Variants in PCDHGC4 observed in about 807,000 individuals in gnomAD.
PCDHGC4 encodes protocadherin gamma subfamily C, 4.
In PCDHGC4, 15 loss-of-function variants were observed where a neutral mutation model predicts 59.7. The ratio of observed to expected loss-of-function variants is 0.25; its 90% confidence interval spans 0.17 to 0.39. The LOEUF is 0.39. Ranked by LOEUF, PCDHGC4 falls within the 10% of genes least tolerant of loss-of-function variation. The pLI is 1.00. For missense variants in PCDHGC4, 1,016 were observed against 1,189.5 expected (o/e 0.85, Z 2.15); for synonymous variants, 434 against 481.4 (o/e 0.90, Z 1.29).
At chr5:141,504,352 G>A (rs2099837588) in intron 2 of PCDHGC4, among the ~76,000 whole-genome samples, 3 of 152,016 alleles carry the variant, frequency 2.0e-5, no homozygotes, top group Admixed American at 1.3e-4. Flanking sequence ...TTTGTGCTAG[G>A]TGCTTCAGTA....
At chr5:141,508,841 C>G (rs969875150) in intron 3 of PCDHGC4, among the ~76,000 whole-genome samples, 1 of 152,140 alleles carries the variant, frequency 6.6e-6, no homozygotes, top group Admixed American at 6.5e-5. Flanking sequence ...TCCCCTACCC[C>G]TTCCATTCCC....
In PCDHGC4 at chr5:141,503,604, A is replaced by G. The variant is rs189211439; in HGVS notation, c.2502-1789A>G. 5.2e-3 allele frequency among the ~76,000 whole-genome samples: 793 copies of G among 151,946 alleles called. 3 individuals carry two copies. The highest frequency in any genetic ancestry group is 8.3e-3 in the Non-Finnish European group (566 of 67,924). On this transcript the variant is annotated intron_variant, in intron 2 of 3. Coordinates refer to ENST00000306593, the MANE Select transcript of PCDHGC4 (RefSeq NM_018928.3). ...ACAGAGCGAGACTCCAGCTCAAAAA[A>G]AAAAAAAAAAGAAAAAAGAAAAGAA...
At position 141,510,984 on chromosome 5, in the gene PCDHGC4, C is replaced by A. The variant is rs375865663; in HGVS notation, c.2628C>A (p.Ala876=). 6.2e-7 allele frequency: 1 copy of A among 1,614,162 alleles called. No individual in the cohort carries two copies. The highest frequency in any genetic ancestry group is 8.5e-7 in the Non-Finnish European group (1 of 1,180,012). The part of the protein sequence containing the change: ...ADGSSTLGGG[A]GTMGLSARYG... The stretch of plus-strand genomic sequence containing the variant: ...GGAGCTCCACCCTGGGAGGGGGTGC[C>A]GGCACCATGGGATTGAGCGCCCGCT... Residue 876 remains alanine, a synonymous_variant, in exon 4 of 4, where the codon GCC becomes GCA. Coordinates refer to ENST00000306593, the MANE Select transcript of PCDHGC4 (RefSeq NM_018928.3).
At position 141,489,397 on chromosome 5, in the gene PCDHGC4, G is replaced by A. The variant is rs1307106048; in HGVS notation, c.2442+1782G>A. 2.5e-6 allele frequency: 4 copies of A among 1,614,058 alleles called. No homozygotes were observed. The highest frequency in any genetic ancestry group is 2.7e-5 in the African/African-American group (2 of 74,914). ...GGTGGGGAATGTTGCTCAGGATCTG[G>A]GCTTAAAGATGACAGATCTGTTGAG... On this transcript the variant is annotated intron_variant, in intron 1 of 3. Transcript: ENST00000306593. This position sits in a 1 kb window ranked among gnomAD's most constrained non-coding sequence, Gnocchi z 4.5.
intron 2 of PCDHGC4, among the ~76,000 whole-genome samples, chr5:141,498,421 A>C (rs1328848787): frequency 6.6e-6 from 1 of 152,016 alleles, no homozygotes; most frequent in Non-Finnish European, 1.5e-5. Flanking sequence ...CTGGCACTGG[A>C]GTGAGGGGAT....
At chr5:141,497,284 A>G (rs1486878285) in intron 2 of PCDHGC4, among the ~76,000 whole-genome samples, 1 of 152,104 alleles carries the variant, frequency 6.6e-6, no homozygotes, top group South Asian at 2.1e-4. Context: ...TGTTCCCTCT[A>G]CCTACCACCA....
At chr5:141,507,798 GCCCT>G (rs2099863561) in intron 3 of PCDHGC4, among the ~76,000 whole-genome samples, 1 of 152,188 alleles carries the variant, frequency 6.6e-6, no homozygotes, top group Admixed American at 6.5e-5. Context: ...CTAAGCCTGC[GCCCT>G]GGGGAACGGA....
intron 3 of PCDHGC4, among the ~76,000 whole-genome samples, chr5:141,509,353 C>A (rs2099876446): frequency 6.6e-6 from 1 of 152,170 alleles, no homozygotes; most frequent in Non-Finnish European, 1.5e-5. Context: ...CTGGCCTGGG[C>A]ATCCCTGAGG....
rs143638501 is a variant in PCDHGC4, at chr5:141,486,817, T to C, written c.1644T>C (p.Thr548=). Residue 548 remains threonine, a synonymous_variant, in exon 1 of 4, where the codon ACT becomes ACC. Coordinates refer to ENST00000306593, the MANE Select transcript of PCDHGC4 (RefSeq NM_018928.3). This position sits in a 1 kb window ranked among gnomAD's most constrained non-coding sequence, Gnocchi z 5.0. ...RDRGNPPLSS[T]VTVRLFVLDL... is the part of the protein sequence containing the mutation. ...GGGGCAACCCACCCCTTAGCAGCACTGTAACAGTTCGTCTATTTGTGCTGG... is the reference window on the plus strand; with the variant it reads ...GGGGCAACCCACCCCTTAGCAGCACCGTAACAGTTCGTCTATTTGTGCTGG... 153 of 1,614,220 alleles carry C rather than the reference T, an allele frequency of 9.5e-5. 1 individual carries two copies. In the African/African-American group the frequency reaches 1.4e-3, roughly 15 times the overall value.
In PCDHGC4 at chr5:141,487,765, GC is replaced by G. The variant is rs2099665397; in HGVS notation, c.2442+151del. The G allele has an allele frequency of 6.5e-7, 1 of 1,541,774 alleles. No individual in the cohort carries two copies. Among genetic ancestry groups the G allele is most frequent in the South Asian group, 1.2e-5 (1 of 83,146 alleles). On this transcript the variant is annotated intron_variant, in intron 1 of 3. Transcript: ENST00000306593. This position sits in a 1 kb window ranked among gnomAD's most constrained non-coding sequence, Gnocchi z 5.0. ...GAGGTAACTATGTGGTAGACGCTGT[GC>G]TTTGTAACTGTTTCGTGAATTAACC...
chr5:141,510,568 G>C (rs2099881703), intron 3 of PCDHGC4, among the ~76,000 whole-genome samples: 1 of 152,100 alleles, frequency 6.6e-6, no homozygotes, highest in Non-Finnish European at 1.5e-5. Context: ...CATCTACCAG[G>C]CACTATTTTA....
Position 141,486,638 on chromosome 5 carries a change from C to T in PCDHGC4, c.1465C>T (p.Leu489Phe), listed in dbSNP as rs753730551. 5.6e-6 allele frequency: 9 copies of T among 1,613,700 alleles called. No homozygotes were observed. In the East Asian group the frequency reaches 8.9e-5, roughly 16 times the overall value. Residue 489 changes from leucine to phenylalanine, a missense_variant, in exon 1 of 4, where the codon CTT becomes TTT. By Grantham distance (22) the Leu-to-Phe change is conservative (BLOSUM62 0). Coordinates refer to ENST00000306593, the MANE Select transcript of PCDHGC4 (RefSeq NM_018928.3). This position sits in a 1 kb window ranked among gnomAD's most constrained non-coding sequence, Gnocchi z 5.0. ...ASDPDSGLNA[L>F]ISYSLLEPRN... The stretch of plus-strand genomic sequence containing the variant: ...TGACCCAGACTCTGGCTTGAATGCG[C>T]TTATCTCCTACTCACTCCTGGAGCC...
rs186292704 is a variant in PCDHGC4 at position 141,490,783 on chromosome 5, C to T, written c.2442+3168C>T. ...TGTGTATGTCAACCCAGAGGATGGA[C>T]GGATCTTTGCCCAGCGTACCTTTGA... On this transcript the variant is annotated intron_variant, in intron 1 of 3. Transcript: ENST00000306593. The surrounding 1 kb of genome is among the most constrained non-coding windows in gnomAD (Gnocchi z 5.4). The T allele has an allele frequency of 8.1e-6, 13 of 1,614,024 alleles. 1 individual carries two copies. Among genetic ancestry groups the T allele is most frequent in the Middle Eastern group, 3.3e-4 (2 of 6,062 alleles).
chr5:141,485,566 C>G lies in PCDHGC4; in HGVS notation c.393C>G (p.Pro131=), dbSNP rs768144422. Residue 131 remains proline, a synonymous_variant, in exon 1 of 4, where the codon CCC becomes CCG. Transcript: ENST00000306593. This position sits in a 1 kb window ranked among gnomAD's most constrained non-coding sequence, Gnocchi z 5.7. ...TCGTAGATGTGAATGATCACGCCCC[C>G]CGTTTTCCGCGGCAGCAGCTGGACT... ...VEIVDVNDHA[P]RFPRQQLDLE... is the part of the protein sequence containing the mutation. 2.5e-6 allele frequency: 4 copies of G among 1,612,808 alleles called. No homozygotes were observed. Among genetic ancestry groups the G allele is most frequent in the South Asian group, 2.2e-5 (2 of 91,028 alleles).
At chr5:141,497,820 G>A (rs1595489288) in intron 2 of PCDHGC4, among the ~76,000 whole-genome samples, 1 of 152,226 alleles carries the variant, frequency 6.6e-6, no homozygotes, top group Admixed American at 6.5e-5. Flanking sequence ...AATTACAGGT[G>A]TGATCGCCCC....
At chr5:141,509,136 C>T (rs1217992935) in intron 3 of PCDHGC4, among the ~76,000 whole-genome samples, 1 of 152,142 alleles carries the variant, frequency 6.6e-6, no homozygotes, top group Non-Finnish European at 1.5e-5. Context: ...AAAACCGAGG[C>T]GCATCCCGGC....
chr5:141,492,934 G>A (rs1382515835), intron 1 of PCDHGC4, among the ~76,000 whole-genome samples: 7 of 152,236 alleles, frequency 4.6e-5, no homozygotes, highest in Admixed American at 4.6e-4. Flanking sequence ...TAGGGTCAGA[G>A]ATTTGGAGGT....
chr5:141,512,068 C>T lies in PCDHGC4; in HGVS notation c.*895C>T, dbSNP rs1215311369. 6.6e-6 allele frequency: 1 copy of T among 152,664 alleles called. No individual in the cohort carries two copies. The highest frequency in any genetic ancestry group is 1.5e-5 in the Non-Finnish European group (1 of 68,066). The allele number at this position is 152,664 out of a possible 1,614,324, so 9.5% of individuals were successfully genotyped here. On this transcript the variant is annotated 3_prime_UTR_variant, in exon 4 of 4. Transcript: ENST00000306593. The stretch of plus-strand genomic sequence containing the variant: ...TCCTCAGGGGACTGACAACATCCTC[C>T]AGATTCCAGCCATAAACCAATAACT...
intron 1 of PCDHGC4, among the ~76,000 whole-genome samples, chr5:141,488,661 G>T (rs573211567): frequency 6.6e-6 from 1 of 152,246 alleles, no homozygotes; most frequent in African/African-American, 2.4e-5. Context: ...GGAGGGTGGG[G>T]GAATACATGG....
Sources: allele counts gnomAD v4.1 joint callset (sites outside exome capture counted in the v4.1 genomes callset), GRCh38; gene constraint gnomAD v4.1.1; non-coding constraint Gnocchi (gnomAD v3.1); transcripts MANE v1.5; gene names NCBI Gene and HGNC (gene_info 2026-07-23, HGNC 2026-07-21).